The following CACNA1C variants were observed in gnomAD, a reference collection of about 807,000 sequenced individuals.
CACNA1C encodes calcium voltage-gated channel subunit alpha1 C.
CACNA1C carries 30 observed loss-of-function variants against 229.0 expected under a neutral mutation model. That is an observed-to-expected ratio of 0.13 (90% CI 0.10 to 0.18). The LOEUF is 0.18. Ranked by LOEUF, CACNA1C falls within the 10% of genes least tolerant of loss-of-function variation. The pLI is 1.00. For missense variants in CACNA1C, 1,658 were observed against 2,845.0 expected, an observed-to-expected ratio of 0.58 and a Z score of 9.49; for synonymous variants, 1,114 against 1,132.5, an observed-to-expected ratio of 0.98 and a Z score of 0.33.
intron 1 of CACNA1C, among the ~76,000 whole-genome samples, chr12:2,101,001 CAAAAAAA>C (rs551820516): frequency 4.1e-5 from 3 of 72,308 alleles, no homozygotes; most frequent in East Asian, 3.8e-4. Flanking sequence ...AGACCCATCT[CAAAAAAA>C]AAAAAAAAAG....
intron 3 of CACNA1C, among the ~76,000 whole-genome samples, chr12:2,168,361 C>G (rs958852180): frequency 6.6e-6 from 1 of 152,196 alleles, no homozygotes; most frequent in African/African-American, 2.4e-5. Flanking sequence ...AGGGGTTGAA[C>G]TAGATGATCA....
intron 3 of CACNA1C, among the ~76,000 whole-genome samples, chr12:2,301,999 CA>C (rs1435871716): frequency 6.6e-6 from 1 of 152,164 alleles, no homozygotes; most frequent in Non-Finnish European, 1.5e-5. Context: ...AGTAATCTTA[CA>C]AAAAGTATGA....
At chr12:2,667,918 G>A (rs144349066) in intron 37 of CACNA1C, among the ~76,000 whole-genome samples, 35 of 152,192 alleles carry the variant, frequency 2.3e-4, no homozygotes, top group South Asian at 4.1e-4. Flanking sequence ...GCGCTTGCTC[G>A]TCATGACCCA....
chr12:2,385,146 G>A (rs1247208547), intron 3 of CACNA1C, among the ~76,000 whole-genome samples: 2 of 152,166 alleles, frequency 1.3e-5, no homozygotes, highest in African/African-American at 2.4e-5. Context: ...TTGAGTCACC[G>A]GGGAAGTTAA....
At chr12:2,006,826 C>T (rs928975590) in intron 1 of CACNA1C, among the ~76,000 whole-genome samples, 1 of 152,138 alleles carries the variant, frequency 6.6e-6, no homozygotes, top group African/African-American at 2.4e-5. Context: ...ATATTTATAC[C>T]TGATATTAAC....
At chr12:2,228,561 G>A (rs7313380) in intron 3 of CACNA1C, among the ~76,000 whole-genome samples, 3,361 of 152,322 alleles carry the variant, frequency 0.022, 82 homozygotes, top group African/African-American at 0.056. Context: ...CAAGGTATGT[G>A]CTAAAGAGGT....
In CACNA1C at chr12:2,671,329, T is replaced by A. The variant is rs11062304; in HGVS notation, c.4726+2294T>A. Among the ~76,000 whole-genome samples, 1,404 of 152,278 alleles carry A rather than the reference T, an allele frequency of 9.2e-3. 20 individuals are homozygous for A. The highest frequency in any genetic ancestry group is 0.032 in the African/African-American group (1,320 of 41,548). The stretch of plus-strand genomic sequence containing the variant: ...CGCCCGGCCAAAACACACATTTAAT[T>A]CACACATATGTGTGTATAACAAGGA... On this transcript the variant is annotated intron_variant, in intron 38 of 46. Transcript: ENST00000399655.
At chr12:2,202,006 G>C (rs982187130) in intron 3 of CACNA1C, among the ~76,000 whole-genome samples, 1 of 152,238 alleles carries the variant, frequency 6.6e-6, no homozygotes, top group African/African-American at 2.4e-5. Context: ...CAAGGACTCA[G>C]AAGATACTGA....
At chr12:2,416,590 T>C (rs2098907236) in intron 3 of CACNA1C, among the ~76,000 whole-genome samples, 1 of 152,174 alleles carries the variant, frequency 6.6e-6, no homozygotes, top group South Asian at 2.1e-4. Context: ...CCAGAACCAG[T>C]CTGTCTCCAG....
intron 3 of CACNA1C, among the ~76,000 whole-genome samples, chr12:2,442,619 A>G (rs542282172): frequency 2.3e-4 from 35 of 152,280 alleles, no homozygotes; most frequent in African/African-American, 7.9e-4. Context: ...CAGTGCTATA[A>G]AGAACTGCCT....
chr12:2,166,908 G>A (rs563522681), intron 3 of CACNA1C, among the ~76,000 whole-genome samples: 17 of 152,232 alleles, frequency 1.1e-4, no homozygotes, highest in Middle Eastern at 6.8e-3. Flanking sequence ...CAGTGCCTGC[G>A]CCCTCCTTGC....
intron 3 of CACNA1C, among the ~76,000 whole-genome samples, chr12:2,163,184 C>G (rs1042814470): frequency 8.8e-6 from 1 of 113,170 alleles, no homozygotes; most frequent in African/African-American, 3.3e-5. Flanking sequence ...GTCTGGGCAA[C>G]AAGAGTGAAA....
intron 3 of CACNA1C, among the ~76,000 whole-genome samples, chr12:2,148,867 A>G (rs2094966392): frequency 6.6e-6 from 1 of 152,146 alleles, no homozygotes; most frequent in Non-Finnish European, 1.5e-5. Flanking sequence ...CCTTGGCTCT[A>G]TGCACTACCA....
At chr12:2,384,007 G>A (rs1256990231) in intron 3 of CACNA1C, among the ~76,000 whole-genome samples, 2 of 152,240 alleles carry the variant, frequency 1.3e-5, no homozygotes, top group African/African-American at 4.8e-5. Flanking sequence ...GAGAGGTTGT[G>A]AATGCATTTG....
At chr12:2,341,005 G>A (rs536119537) in intron 3 of CACNA1C, among the ~76,000 whole-genome samples, 37 of 152,196 alleles carry the variant, frequency 2.4e-4, no homozygotes, top group African/African-American at 8.0e-4. Context: ...ACAGCGATAC[G>A]GCAGTAGGCA....
rs761491293 is a variant in CACNA1C at position 2,512,827 on chromosome 12, G to A, written c.1233G>A (p.Glu411=). 1 of 1,612,540 alleles carries A rather than the reference G, an allele frequency of 6.2e-7. No homozygotes were observed. The highest frequency in any genetic ancestry group is 1.7e-5 in the Admixed American group (1 of 59,924). ...CTCTCACCAGAGAGTTTTCCAAAGA[G>A]AGGGAGAAGGCCAAGGCCCGGGGAG... The part of the protein sequence containing the change: ...LGVLSGEFSK[E]REKAKARGDF... Residue 411 remains glutamate, a synonymous_variant, in exon 9 of 47, where the codon GAG becomes GAA. Transcript: ENST00000399655. The surrounding 1 kb of genome is among the most constrained non-coding windows in gnomAD (Gnocchi z 4.3).
intron 1 of CACNA1C, among the ~76,000 whole-genome samples, chr12:2,037,337 T>G (rs2049323444): frequency 6.6e-6 from 1 of 152,224 alleles, no homozygotes; most frequent in Non-Finnish European, 1.5e-5. Flanking sequence ...AATGTGAGAT[T>G]GTAGGATTTC....
intron 3 of CACNA1C, among the ~76,000 whole-genome samples, chr12:2,382,981 G>A (rs1017778671): frequency 2.0e-5 from 3 of 152,130 alleles, no homozygotes; most frequent in African/African-American, 7.2e-5. Flanking sequence ...CTGGACCAAG[G>A]CCACTTGTAG....
chr12:2,085,958 C>T (rs1293070720), intron 1 of CACNA1C, among the ~76,000 whole-genome samples: 2 of 152,160 alleles, frequency 1.3e-5, no homozygotes, highest in African/African-American at 4.8e-5. Flanking sequence ...CCTGGGATGC[C>T]TTTCACTCCT....
Sources: gnomAD v4.1 joint callset for allele counts (sites outside exome capture counted in the v4.1 genomes callset) on GRCh38, gnomAD v4.1.1 for gene constraint, Gnocchi (gnomAD v3.1) non-coding constraint, MANE v1.5 for transcripts, NCBI Gene and HGNC (gene_info 2026-07-23, HGNC 2026-07-21) for gene names.